The following OSBPL1A variants were observed in gnomAD, a reference collection of about 807,000 sequenced individuals.
The protein encoded by OSBPL1A is oxysterol binding protein like 1A.
A neutral mutation model predicts 137.1 loss-of-function variants in OSBPL1A; 80 were observed. The observed-to-expected ratio is 0.58, with a 90% CI of 0.49 to 0.70. The LOEUF (loss-of-function observed/expected upper bound fraction) is 0.70, where lower values mean the gene tolerates loss of function less well. Among genes scored for constraint, OSBPL1A ranks in the 30% least tolerant of loss-of-function variants. The pLI is 0.00. For synonymous variants in OSBPL1A, 365 were observed against 389.7 expected (o/e 0.94, Z 0.75); for missense variants, 970 against 1,129.4 (o/e 0.86, Z 2.02).
At position 24,256,964 on chromosome 18, in the gene OSBPL1A, CAAAAAAAAAAAAAAA is replaced by C. The variant is rs201880387; in HGVS notation, c.1282-17597_1282-17583del. Among the ~76,000 whole-genome samples the C allele has an allele frequency of 0.01, 306 of 29,522 alleles. 6 individuals are homozygous for C. In the East Asian group the frequency reaches 0.2, roughly 20 times the overall value. 19.4% of individuals were successfully genotyped at this position (29,522 alleles called of 152,430 possible). A position where few individuals can be genotyped will look rare whatever the true frequency, so the allele number is the denominator to read the frequency against. ...GCTGATGAAAGAACTGAAGAGGATG[CAAAAAAAAAAAAAAA>C]AAAAAAAAAAAAGGAAAGATATTCC... On this transcript the variant is annotated intron_variant, in intron 15 of 27. Coordinates refer to ENST00000319481, the MANE Select transcript of OSBPL1A (RefSeq NM_080597.4).
At chr18:24,248,150 C>T (rs991759555) in intron 15 of OSBPL1A, among the ~76,000 whole-genome samples, 2 of 152,122 alleles carry the variant, frequency 1.3e-5, no homozygotes, top group Admixed American at 6.5e-5. Context: ...TAGATGAGTA[C>T]GTGTAACCAA....
chr18:24,283,281 A>AAAAAAATATATATATATAT (rs1246058393), intron 14 of OSBPL1A, among the ~76,000 whole-genome samples: 1 of 78,376 alleles, frequency 1.3e-5, no homozygotes, highest in African/African-American at 5.3e-5. Context: ...AAAAAAAAAA[A>AAAAAAATATATATATATAT]ATATATATAT....
chr18:24,316,366 G>A (rs1232900956), intron 11 of OSBPL1A, among the ~76,000 whole-genome samples: 1 of 151,962 alleles, frequency 6.6e-6, no homozygotes, highest in African/African-American at 2.4e-5. Flanking sequence ...CAATTAAAAG[G>A]CAAAAATTGC....
At chr18:24,235,283 C>T (rs145105779) in intron 16 of OSBPL1A, among the ~76,000 whole-genome samples, 17 of 152,290 alleles carry the variant, frequency 1.1e-4, no homozygotes, top group African/African-American at 3.9e-4. Flanking sequence ...TATCTGCTAG[C>T]CCCTTAGTGT....
chr18:24,347,252 C>G (rs566007894), intron 4 of OSBPL1A, among the ~76,000 whole-genome samples: 2 of 152,280 alleles, frequency 1.3e-5, no homozygotes, highest in Non-Finnish European at 2.9e-5. Flanking sequence ...TCTTGGCTCA[C>G]TGCAACCTCT....
At chr18:24,254,570 A>G (rs1191118636) in intron 15 of OSBPL1A, among the ~76,000 whole-genome samples, 1 of 152,190 alleles carries the variant, frequency 6.6e-6, no homozygotes, top group Non-Finnish European at 1.5e-5. Context: ...AACAAACAAT[A>G]TGCTCCTGAA....
chr18:24,346,997 G>A (rs986400307), intron 4 of OSBPL1A, among the ~76,000 whole-genome samples: 14 of 150,176 alleles, frequency 9.3e-5, no homozygotes, highest in African/African-American at 3.2e-4. Context: ...CAATCCTCCC[G>A]CCTTGGCCTC....
rs2089721778 is a variant in OSBPL1A, at chr18:24,271,685, C to T, written c.1281+9157G>A. ...CCTGCGCTCCTCGCAAGCTCCAGCG[C>T]GAATGCGCTCGGCCTGCTCCTCCTC... On this transcript the variant is annotated intron_variant, in intron 15 of 27. Transcript: ENST00000319481. The surrounding 1 kb of genome is among the most constrained non-coding windows in gnomAD (Gnocchi z 4.0). 2.0e-6 allele frequency: 2 copies of T among 985,888 alleles called. No homozygotes were observed. The highest frequency in any genetic ancestry group is 3.5e-5 in the African/African-American group (2 of 57,354). 61.1% of individuals were successfully genotyped at this position (985,888 alleles called of 1,614,324 possible).
chr18:24,291,956 G>A (rs989157800), intron 14 of OSBPL1A, among the ~76,000 whole-genome samples: 7 of 152,024 alleles, frequency 4.6e-5, no homozygotes, highest in Non-Finnish European at 1.0e-4. Context: ...GGTGGCAGGT[G>A]CACCTGTAAT....
intron 1 of OSBPL1A, among the ~76,000 whole-genome samples, chr18:24,390,898 G>C (rs1466787613): frequency 3.3e-5 from 5 of 151,710 alleles, no homozygotes; most frequent in Admixed American, 2.0e-4. Flanking sequence ...TCAGGAGCTC[G>C]AGACCAGCCT....
intron 14 of OSBPL1A, among the ~76,000 whole-genome samples, chr18:24,286,486 T>C (rs1252857107): frequency 1.3e-5 from 2 of 152,216 alleles, no homozygotes; most frequent in African/African-American, 4.8e-5. Context: ...ATAAAATATA[T>C]AGCTCAAAGT....
At chr18:24,272,474 T>C (rs1374833084) in intron 15 of OSBPL1A, among the ~76,000 whole-genome samples, 1 of 152,100 alleles carries the variant, frequency 6.6e-6, no homozygotes, top group Non-Finnish European at 1.5e-5. Flanking sequence ...CCTACTACCG[T>C]GAAACCTACT....
At chr18:24,318,886 T>G in intron 7 of OSBPL1A, 77 bp from the exon 8 acceptor site, 2 of 1,149,638 alleles carry the variant, frequency 1.7e-6, no homozygotes, top group Non-Finnish European at 2.6e-6. Context: ...CTGCAGCATC[T>G]AATAGTCCTT....
intron 17 of OSBPL1A, among the ~76,000 whole-genome samples, chr18:24,215,207 GT>G (rs76000851): frequency 3.9e-5 from 6 of 151,942 alleles, no homozygotes; most frequent in Admixed American, 6.6e-5. Flanking sequence ...CCTAAAGCAG[GT>G]TTTTTTTCTG....
rs2089716638 is a variant in OSBPL1A, at chr18:24,271,500, A to G, written c.1281+9342T>C. 1.1e-6 allele frequency: 1 copy of G among 944,430 alleles called. No individual in the cohort carries two copies. The highest frequency in any genetic ancestry group is 1.3e-6 in the Non-Finnish European group (1 of 792,824). 58.5% of individuals were successfully genotyped at this position (944,430 alleles called of 1,614,324 possible). ...CCACTCTGCACACACACGTCCAACTATTCTTGGATCTACTCACATCCCTGG... is the reference window on the plus strand; with the variant it reads ...CCACTCTGCACACACACGTCCAACTGTTCTTGGATCTACTCACATCCCTGG... On this transcript the variant is annotated intron_variant, in intron 15 of 27. Coordinates refer to ENST00000319481, the MANE Select transcript of OSBPL1A (RefSeq NM_080597.4). This position sits in a 1 kb window ranked among gnomAD's most constrained non-coding sequence, Gnocchi z 4.0.
chr18:24,352,739 C>T (rs2091464198), intron 4 of OSBPL1A, among the ~76,000 whole-genome samples: 1 of 152,168 alleles, frequency 6.6e-6, no homozygotes, highest in Non-Finnish European at 1.5e-5. Flanking sequence ...TGGAACAGAA[C>T]AGAGTCCTCA....
chr18:24,371,496 T>C (rs549352312), intron 2 of OSBPL1A, among the ~76,000 whole-genome samples: 85 of 152,334 alleles, frequency 5.6e-4, no homozygotes, highest in African/African-American at 2.0e-3. Context: ...CCGTTCTCTC[T>C]GGATCCTGGA....
chr18:24,178,191 C>T lies in OSBPL1A; in HGVS notation c.1915G>A (p.Asp639Asn). Residue 639 changes from aspartate to asparagine, a missense_variant, in exon 21 of 28, where the codon GAC becomes AAC. Asp to Asn is a conservative substitution (Grantham distance 23, BLOSUM62 1). Coordinates refer to ENST00000319481, the MANE Select transcript of OSBPL1A (RefSeq NM_080597.4). ...TCGGAGATGAGTCTAAATCCAAGGT[C>T]ATCTCTTAAGATTTAAAAAAAAAAA... is the stretch of plus-strand genomic sequence containing the variant. ...LGETYELVRD[D>N]LGFRLISEQV... 2.2e-6 allele frequency: 2 copies of T among 925,446 alleles called. No individual in the cohort carries two copies. The highest frequency in any genetic ancestry group is 2.9e-5 in the East Asian group (1 of 34,178). 57.3% of individuals were successfully genotyped at this position (925,446 alleles called of 1,614,324 possible). A position where few individuals can be genotyped will look rare whatever the true frequency, so the allele number is the denominator to read the frequency against.
chr18:24,223,700 T>TA (rs1288757233), intron 17 of OSBPL1A, among the ~76,000 whole-genome samples: 1 of 152,128 alleles, frequency 6.6e-6, no homozygotes, highest in African/African-American at 2.4e-5. Flanking sequence ...ATAGCACACA[T>TA]ACGAAAGAAC....
Sources: allele counts gnomAD v4.1 joint callset (sites outside exome capture counted in the v4.1 genomes callset), GRCh38; gene constraint gnomAD v4.1.1; non-coding constraint Gnocchi (gnomAD v3.1); transcripts MANE v1.5; gene names NCBI Gene and HGNC (gene_info 2026-07-23, HGNC 2026-07-21).